Variants in HCRTR2 observed in about 807,000 individuals in gnomAD.
HCRTR2 encodes orexin receptor type 2.
HCRTR2 carries 22 observed loss-of-function variants against 49.0 expected under a neutral mutation model. That is an observed-to-expected ratio of 0.45 (90% CI 0.32 to 0.64). The LOEUF is 0.64. Ranked by LOEUF, HCRTR2 falls within the 30% of genes least tolerant of loss-of-function variation. The pLI, the probability that HCRTR2 is intolerant of heterozygous loss-of-function variation, is 0.04. For synonymous variants in HCRTR2, 236 were observed against 205.3 expected (o/e 1.15, Z -1.28); for missense variants, 491 against 559.4 (o/e 0.88, Z 1.23).
intron 1 of HCRTR2, among the ~76,000 whole-genome samples, chr6:55,139,685 G>A (rs1764480545): frequency 6.6e-6 from 1 of 152,094 alleles, no homozygotes; most frequent in African/African-American, 2.4e-5. Flanking sequence ...TTCAAAGCAT[G>A]ATGCTTTATA....
chr6:55,144,319 T>C (rs1764550300), intron 1 of HCRTR2, among the ~76,000 whole-genome samples: 1 of 151,958 alleles, frequency 6.6e-6, no homozygotes, highest in African/African-American at 2.4e-5. Flanking sequence ...TTTCTCCACA[T>C]TGGTCAGACT....
At chr6:55,245,261 T>A (rs777445727) in intron 1 of HCRTR2, among the ~76,000 whole-genome samples, 5 of 151,234 alleles carry the variant, frequency 3.3e-5, no homozygotes, top group Non-Finnish European at 7.4e-5. Context: ...TTCAAATGTA[T>A]CCAGTTGTCC....
chr6:55,217,952 T>C (rs1765819365), intron 1 of HCRTR2, among the ~76,000 whole-genome samples: 1 of 152,128 alleles, frequency 6.6e-6, no homozygotes, highest in South Asian at 2.1e-4. Context: ...CAGAAGGGGA[T>C]TTGTTAGGGA....
chr6:55,259,395 G>A (rs1047778531), intron 3 of HCRTR2, among the ~76,000 whole-genome samples: 1 of 152,016 alleles, frequency 6.6e-6, no homozygotes, highest in Non-Finnish European at 1.5e-5. Flanking sequence ...TAAACTTAAT[G>A]AACCCCTAAA....
chr6:55,121,913 T>C (rs1764205548), intron 1 of HCRTR2, among the ~76,000 whole-genome samples: 1 of 151,302 alleles, frequency 6.6e-6, no homozygotes, highest in South Asian at 2.1e-4. Flanking sequence ...GATATTGTTC[T>C]AAAATTCTCT....
intron 1 of HCRTR2, among the ~76,000 whole-genome samples, chr6:55,225,750 C>A (rs1765991970): frequency 6.6e-6 from 1 of 152,152 alleles, no homozygotes; most frequent in Admixed American, 6.5e-5. Flanking sequence ...TTACTGTAAT[C>A]AAATTGTAAT....
rs186776340 is a variant in HCRTR2 at position 55,221,630 on chromosome 6, A to G, written c.224-27009A>G. Among the ~76,000 whole-genome samples the G allele has an allele frequency of 3.8e-3, 578 of 152,062 alleles. 2 individuals carry two copies. Among genetic ancestry groups the G allele is most frequent in the African/African-American group, 0.012 (507 of 41,520 alleles). ...AGATCGAGACCATCCTGGCTAACAC[A>G]GTGAAACCCCGTCTCTACTAAAAAT... is the stretch of plus-strand genomic sequence containing the variant. On this transcript the variant is annotated intron_variant, in intron 1 of 6. Coordinates refer to ENST00000370862, the MANE Select transcript of HCRTR2 (RefSeq NM_001384272.1).
chr6:55,116,205 T>C lies in HCRTR2; in HGVS notation c.-378+9660T>C, dbSNP rs190605704. On this transcript the variant is annotated intron_variant, in intron 1 of 7. Coordinates refer to the HCRTR2 transcript ENST00000615358. ...TATGGTCTGAATGCAGAAGTTCTTT[T>C]ATTTATAAGAAATGGCCAGTAAAAC... 7.9e-5 allele frequency among the ~76,000 whole-genome samples: 12 copies of C among 151,846 alleles called. No homozygotes were observed. The East Asian group carries it at 2.3e-3, about 29-fold the overall frequency.
upstream of HCRTR2, among the ~76,000 whole-genome samples, chr6:55,171,674 G>C (rs1389002565): frequency 6.6e-6 from 1 of 152,100 alleles, no homozygotes; most frequent in African/African-American, 2.4e-5. Flanking sequence ...ATATTTGTAG[G>C]ATCAAGATAA....
intron 1 of HCRTR2, among the ~76,000 whole-genome samples, chr6:55,145,847 A>T (rs1485374838): frequency 1.3e-5 from 2 of 152,000 alleles, no homozygotes; most frequent in Non-Finnish European, 2.9e-5. Context: ...GCTGGTATCC[A>T]ATCTCTTGGA....
intron 1 of HCRTR2, among the ~76,000 whole-genome samples, chr6:55,211,307 T>C (rs891233424): frequency 2.6e-5 from 4 of 152,174 alleles, no homozygotes; most frequent in African/African-American, 4.8e-5. Flanking sequence ...ATATAATTTT[T>C]AGAAGTACAA....
chr6:55,134,782 C>A (rs965484321), intron 1 of HCRTR2, among the ~76,000 whole-genome samples: 6 of 152,166 alleles, frequency 3.9e-5, no homozygotes, highest in African/African-American at 1.4e-4. Flanking sequence ...CCTCCAGGTT[C>A]ATCCATGTCA....
Position 55,236,639 on chromosome 6 carries a change from A to T in HCRTR2, c.224-12000A>T, listed in dbSNP as rs149069642. Reference sequence around the variant, plus strand: ...TATTTATGTGAATTAGTATTTGTAGATATTAACTTTTGAGAATTTAGCTGT... The same window carrying T: ...TATTTATGTGAATTAGTATTTGTAGTTATTAACTTTTGAGAATTTAGCTGT... On this transcript the variant is annotated intron_variant, in intron 1 of 6. Coordinates refer to ENST00000370862, the MANE Select transcript of HCRTR2 (RefSeq NM_001384272.1). Among the ~76,000 whole-genome samples the T allele has an allele frequency of 4.1e-3, 630 of 152,238 alleles. 7 individuals carry two copies. Among genetic ancestry groups the T allele is most frequent in the African/African-American group, 0.014 (598 of 41,560 alleles).
chr6:55,174,950 A>C (rs541774885), intron 1 of HCRTR2, 140 bp downstream of exon 1: 3 of 599,142 alleles, frequency 5.0e-6, no homozygotes, highest in Non-Finnish European at 8.9e-6. Flanking sequence ...TTCTAATAAA[A>C]TAATAATAAT....
chr6:55,260,383 C>T (rs987044439), intron 3 of HCRTR2, among the ~76,000 whole-genome samples: 9 of 152,126 alleles, frequency 5.9e-5, no homozygotes, highest in African/African-American at 1.7e-4. Flanking sequence ...GAAATTGGCC[C>T]GCCATATGCT....
chr6:55,259,238 G>A (rs1766709880), intron 3 of HCRTR2, among the ~76,000 whole-genome samples: 1 of 150,396 alleles, frequency 6.6e-6, no homozygotes, highest in African/African-American at 2.4e-5. Context: ...AAAAAAAATG[G>A]AACCATTTTT....
intron 1 of HCRTR2, among the ~76,000 whole-genome samples, chr6:55,197,890 G>A (rs908715979): frequency 6.6e-6 from 1 of 152,154 alleles, no homozygotes; most frequent in African/African-American, 2.4e-5. Flanking sequence ...CAAAGTGCTG[G>A]GATTACAGGC....
intron 2 of HCRTR2, among the ~76,000 whole-genome samples, chr6:55,254,764 G>GTT (rs71683862): frequency 6.9e-6 from 1 of 144,332 alleles, no homozygotes. Context: ...AAACATATGT[G>GTT]TTTTTTTTTT....
At chr6:55,241,985 C>T (rs1451934095) in intron 1 of HCRTR2, among the ~76,000 whole-genome samples, 3 of 150,948 alleles carry the variant, frequency 2.0e-5, no homozygotes, top group African/African-American at 7.3e-5. Flanking sequence ...TCTCCTGCCT[C>T]AGCCTCCTGA....
Sources: gnomAD v4.1 joint callset for allele counts (sites outside exome capture counted in the v4.1 genomes callset) on GRCh38, gnomAD v4.1.1 for gene constraint, MANE v1.5 for transcripts, NCBI Gene and HGNC (gene_info 2026-07-23, HGNC 2026-07-21) for gene names.